NYAP2: variants seen among roughly 807,000 people sequenced by gnomAD.
The protein encoded by NYAP2 is neuronal tyrosine-phosphorylated phosphoinositide-3-kinase adaptor 2, also known as neuronal tyrosine-phosphorylated phosphoinositide-3-kinase adapter 2.
Under a neutral mutation model 50.4 loss-of-function variants are expected in NYAP2, and 23 were observed. That is an observed-to-expected ratio of 0.46 (90% CI 0.33 to 0.65). The LOEUF is 0.65. NYAP2 is among the 30% of genes least tolerant of loss of function. NYAP2 has a pLI of 0.02. For missense variants in NYAP2, 885 were observed against 861.0 expected (o/e 1.03, Z -0.35); for synonymous variants, 394 against 365.2 (o/e 1.08, Z -0.90).
chr2:225,681,147 C>T, the NYAP2 span, among the ~76,000 whole-genome samples: 14 of 152,250 alleles, frequency 9.2e-5, no homozygotes, highest in East Asian at 2.7e-3. Context: ...GATGGATGTT[C>T]CAGGTTGTTG....
chr2:225,611,899 TATACACACACACACAC>T (rs1559229616), intron 5 of NYAP2, among the ~76,000 whole-genome samples: 1 of 102,746 alleles, frequency 9.7e-6, no homozygotes, highest in South Asian at 2.6e-4. Context: ...TGTGTGTGTG[TATACACACACACACAC>T]ACACACACAC....
intron 4 of NYAP2, among the ~76,000 whole-genome samples, chr2:225,564,060 A>G (rs1456603148): frequency 1.3e-5 from 2 of 152,124 alleles, no homozygotes; most frequent in East Asian, 3.9e-4. Flanking sequence ...ACTTAGATCT[A>G]AAACTAAAAC....
chr2:225,584,749 C>A (rs1692361223), intron 5 of NYAP2, among the ~76,000 whole-genome samples: 1 of 152,126 alleles, frequency 6.6e-6, no homozygotes, highest in Admixed American at 6.5e-5. Context: ...ATAATTGCCC[C>A]CAAAACATTT....
At chr2:225,660,439 AC>A in the NYAP2 span, among the ~76,000 whole-genome samples, 1 of 89,942 alleles carries the variant, frequency 1.1e-5, no homozygotes, top group Non-Finnish European at 2.5e-5. Context: ...GACACAGGAT[AC>A]ATTTTTTTTT....
intron 3 of NYAP2, among the ~76,000 whole-genome samples, chr2:225,474,701 A>G (rs1382292675): frequency 6.6e-6 from 1 of 152,198 alleles, no homozygotes; most frequent in East Asian, 1.9e-4. Flanking sequence ...CAGCTTAAGG[A>G]GATTTTGGGC....
chr2:225,509,682 G>C (rs1442183012), intron 3 of NYAP2, among the ~76,000 whole-genome samples: 1 of 152,104 alleles, frequency 6.6e-6, no homozygotes, highest in Non-Finnish European at 1.5e-5. Flanking sequence ...GAAAGAGTGT[G>C]CCTCTTTGGG....
At chr2:225,549,561 G>A (rs1415930858) in intron 4 of NYAP2, among the ~76,000 whole-genome samples, 1 of 152,152 alleles carries the variant, frequency 6.6e-6, no homozygotes, top group African/African-American at 2.4e-5. Context: ...GAGATGGAAA[G>A]TAAACAATTT....
the NYAP2 span, among the ~76,000 whole-genome samples, chr2:225,694,573 AAACATGTG>A: frequency 6.6e-6 from 1 of 151,920 alleles, no homozygotes; most frequent in Non-Finnish European, 1.5e-5. Context: ...CTATGCACCC[AAACATGTG>A]CTATTTAAAA....
chr2:225,589,681 C>A (rs1470265300), intron 5 of NYAP2, among the ~76,000 whole-genome samples: 2 of 151,524 alleles, frequency 1.3e-5, no homozygotes, highest in African/African-American at 4.9e-5. Flanking sequence ...GGTAACAGAG[C>A]AAGACCCTGT....
chr2:225,408,349 T>C (rs1559172078), intron 2 of NYAP2, among the ~76,000 whole-genome samples: 1 of 152,080 alleles, frequency 6.6e-6, no homozygotes, highest in African/African-American at 2.4e-5. Flanking sequence ...TTTCTTTTAC[T>C]ACTACTATAT....
chr2:225,431,639 C>T (rs775921301), intron 3 of NYAP2, among the ~76,000 whole-genome samples: 1 of 152,178 alleles, frequency 6.6e-6, no homozygotes, highest in Non-Finnish European at 1.5e-5. Flanking sequence ...TCTGAACTCT[C>T]TCTCTCTCTC....
chr2:225,559,349 CAA>C (rs11300399), intron 4 of NYAP2, among the ~76,000 whole-genome samples: 590 of 145,452 alleles, frequency 4.1e-3, no homozygotes, highest in East Asian at 0.015. Context: ...GTACAAATGC[CAA>C]AAAAAAAAAA....
At chr2:225,481,787 A>G (rs1343033217) in intron 3 of NYAP2, among the ~76,000 whole-genome samples, 1 of 152,120 alleles carries the variant, frequency 6.6e-6, no homozygotes, top group Admixed American at 6.6e-5. Flanking sequence ...CCCCTTAGGC[A>G]TCCATTTATC....
chr2:225,594,088 A>G (rs1692557587), intron 5 of NYAP2, among the ~76,000 whole-genome samples: 1 of 152,222 alleles, frequency 6.6e-6, no homozygotes, highest in African/African-American at 2.4e-5. Context: ...GGTACAAATG[A>G]ATGAGCTGTG....
chr2:225,512,894 T>G (rs1690857709), intron 3 of NYAP2, among the ~76,000 whole-genome samples: 1 of 136,072 alleles, frequency 7.3e-6, no homozygotes, highest in African/African-American at 2.7e-5. Context: ...CCTTCCTTCC[T>G]TCCTTTCCTT....
intron 3 of NYAP2, among the ~76,000 whole-genome samples, chr2:225,489,057 G>A (rs1050451540): frequency 6.6e-6 from 1 of 152,040 alleles, no homozygotes; most frequent in African/African-American, 2.4e-5. Flanking sequence ...TGATGTCAAT[G>A]GTCAACTGAA....
At chr2:225,669,693 C>CA in the NYAP2 span, among the ~76,000 whole-genome samples, 1 of 151,992 alleles carries the variant, frequency 6.6e-6, no homozygotes, top group East Asian at 1.9e-4. Flanking sequence ...ACAAAAAAAT[C>CA]AAAATTTTAT....
intron 3 of NYAP2, among the ~76,000 whole-genome samples, chr2:225,446,246 CTA>C (rs58633886): frequency 2.9e-3 from 240 of 82,216 alleles, no homozygotes; most frequent in Non-Finnish European, 3.3e-3. Flanking sequence ...CTCTCTCTCT[CTA>C]TATATATATA....
chr2:225,531,657 G>A (rs138338797), intron 4 of NYAP2, among the ~76,000 whole-genome samples: 4 of 152,252 alleles, frequency 2.6e-5, no homozygotes, highest in Admixed American at 6.5e-5. Context: ...GCACTTTCAG[G>A]CACCTTTAAT....
Sources: allele counts gnomAD v4.1 joint callset (sites outside exome capture counted in the v4.1 genomes callset), GRCh38; gene constraint gnomAD v4.1.1; transcripts MANE v1.5; gene names NCBI Gene and HGNC (gene_info 2026-07-23, HGNC 2026-07-21).